TNNI3K: variants seen among roughly 807,000 people sequenced by gnomAD.
TNNI3K encodes the protein serine/threonine-protein kinase TNNI3K.
TNNI3K carries 140 observed loss-of-function variants against 114.5 expected under a neutral mutation model. The ratio of observed to expected loss-of-function variants is 1.22; its 90% CI spans 1.07 to 1.41. TNNI3K has a LOEUF of 1.41. Ranked by LOEUF, TNNI3K falls within the 40% of genes most tolerant of loss-of-function variation. TNNI3K has a pLI of 0.00. For synonymous variants in TNNI3K, 347 were observed against 347.5 expected (o/e 1.00, Z 0.02); for missense variants, 1,125 against 1,007.6 (o/e 1.12, Z -1.58).
chr1:74,318,696 T>C (rs1557494114), intron 5 of TNNI3K, among the ~76,000 whole-genome samples: 3 of 152,356 alleles, frequency 2.0e-5, no homozygotes, highest in Non-Finnish European at 2.9e-5. Context: ...AGTTCACACA[T>C]TGTCATCATC....
chr1:74,525,817 G>T (rs1435373736), intron 23 of TNNI3K, among the ~76,000 whole-genome samples: 1 of 152,160 alleles, frequency 6.6e-6, no homozygotes, highest in African/African-American at 2.4e-5. Flanking sequence ...CAAAACCTGG[G>T]TTGCCCCAGG....
At chr1:74,274,499 T>G (rs1656547539) in intron 5 of TNNI3K, among the ~76,000 whole-genome samples, 1 of 152,034 alleles carries the variant, frequency 6.6e-6, no homozygotes, top group Non-Finnish European at 1.5e-5. Flanking sequence ...TATAAATGGT[T>G]AGAATATAGA....
At chr1:74,416,458 T>C (rs1051759918) in intron 17 of TNNI3K, 1 of 965,910 alleles carries the variant, frequency 1.0e-6, no homozygotes, top group Admixed American at 6.2e-5. Context: ...TAGAAGTTAT[T>C]GGAGTAGATT....
intron 9 of TNNI3K, among the ~76,000 whole-genome samples, chr1:74,352,025 T>C (rs1288073886): frequency 2.0e-5 from 3 of 152,190 alleles, no homozygotes; most frequent in African/African-American, 7.2e-5. Flanking sequence ...CTGTGTTCCT[T>C]TGGAGGAGGA....
At chr1:74,379,792 C>G (rs931751211) in intron 17 of TNNI3K, among the ~76,000 whole-genome samples, 4 of 152,108 alleles carry the variant, frequency 2.6e-5, no homozygotes, top group East Asian at 3.9e-4. Flanking sequence ...TATTCTCCCC[C>G]CTATACTTCA....
At chr1:74,440,739 A>G (rs1666342077) in intron 20 of TNNI3K, among the ~76,000 whole-genome samples, 1 of 152,100 alleles carries the variant, frequency 6.6e-6, no homozygotes, top group African/African-American at 2.4e-5. Context: ...CTTAGCCCTT[A>G]TTATAGTGTG....
intron 17 of TNNI3K, among the ~76,000 whole-genome samples, chr1:74,383,959 T>C (rs1272849488): frequency 6.6e-6 from 1 of 151,952 alleles, no homozygotes; most frequent in Non-Finnish European, 1.5e-5. Context: ...ACACACTAGA[T>C]AGTTAGGTAA....
At chr1:74,493,680 G>A (rs553665284) in intron 23 of TNNI3K, among the ~76,000 whole-genome samples, 18 of 152,210 alleles carry the variant, frequency 1.2e-4, no homozygotes, top group East Asian at 1.9e-4. Flanking sequence ...TACAGATTGC[G>A]TTCAGGTCTA....
At chr1:74,367,228 T>G in intron 11 of TNNI3K, 28 bp from the exon 12 acceptor site, 2 of 1,606,604 alleles carry the variant, frequency 1.2e-6, no homozygotes, top group Middle Eastern at 1.7e-4. Flanking sequence ...AATTTAGGAC[T>G]CTTTGTTCTT....
At chr1:74,286,356 C>T (rs1578514) in intron 5 of TNNI3K, among the ~76,000 whole-genome samples, 1 of 152,068 alleles carries the variant, frequency 6.6e-6, no homozygotes, top group Admixed American at 6.5e-5. Context: ...GGCCTCAGGC[C>T]TCAGGCTCAT....
intron 23 of TNNI3K, among the ~76,000 whole-genome samples, chr1:74,517,593 G>A (rs551394103): frequency 1.3e-5 from 2 of 152,158 alleles, no homozygotes; most frequent in Non-Finnish European, 2.9e-5. Flanking sequence ...GGGGCTGTGT[G>A]CTAAGCATTA....
chr1:74,419,470 A>AT (rs1665289526), intron 17 of TNNI3K, among the ~76,000 whole-genome samples: 1 of 152,038 alleles, frequency 6.6e-6, no homozygotes, highest in Non-Finnish European at 1.5e-5. Context: ...CCATGCTACA[A>AT]TTAGGGGTGT....
intron 21 of TNNI3K, among the ~76,000 whole-genome samples, chr1:74,484,064 A>C (rs984037997): frequency 1.3e-5 from 2 of 152,142 alleles, no homozygotes; most frequent in South Asian, 2.1e-4. Flanking sequence ...GAGTATTATA[A>C]GAGTTAAATG....
intron 23 of TNNI3K, among the ~76,000 whole-genome samples, chr1:74,528,135 C>T (rs924073660): frequency 3.3e-5 from 5 of 152,132 alleles, no homozygotes; most frequent in Admixed American, 6.5e-5. Context: ...GAATGGTAAG[C>T]AGGACATCCT....
At chr1:74,480,510 G>C in intron 21 of TNNI3K, 1 of 717,512 alleles carries the variant, frequency 1.4e-6, no homozygotes. Flanking sequence ...ACTTCCTGTA[G>C]TTGAGGCAGG....
chr1:74,490,225 T>C (rs984735921), intron 22 of TNNI3K, among the ~76,000 whole-genome samples: 4 of 152,194 alleles, frequency 2.6e-5, no homozygotes, highest in Non-Finnish European at 5.9e-5. Context: ...CCTAAGATCC[T>C]CTTTCCCTTC....
intron 21 of TNNI3K, among the ~76,000 whole-genome samples, chr1:74,488,094 G>A (rs1359447514): frequency 6.6e-6 from 1 of 152,188 alleles, no homozygotes; most frequent in Non-Finnish European, 1.5e-5. Context: ...ACAAAGAGTA[G>A]TGTTAGAGAG....
chr1:74,259,636 G>A lies in TNNI3K; in HGVS notation c.333+8867G>A, dbSNP rs537798784. The stretch of plus-strand genomic sequence containing the variant: ...AAAAATACAAAAATTAGCCATATGT[G>A]GTGGTGTGCGCCTATAGTCCCAGCT... On this transcript the variant is annotated intron_variant, in intron 4 of 24. Transcript: ENST00000326637. Among the ~76,000 whole-genome samples, 242 of 152,252 alleles carry A rather than the reference G, an allele frequency of 1.6e-3. 1 individual carries two copies. The highest frequency in any genetic ancestry group is 5.7e-3 in the African/African-American group (237 of 41,536).
intron 17 of TNNI3K, among the ~76,000 whole-genome samples, chr1:74,383,515 G>T (rs149557309): frequency 6.9e-4 from 105 of 151,900 alleles, no homozygotes; most frequent in African/African-American, 2.5e-3. Flanking sequence ...AATGCTTCTT[G>T]CAGGAAGCCC....
Sources: gnomAD v4.1 joint callset for allele counts (sites outside exome capture counted in the v4.1 genomes callset) on GRCh38, gnomAD v4.1.1 for gene constraint, MANE v1.5 for transcripts, NCBI Gene and HGNC (gene_info 2026-07-23, HGNC 2026-07-21) for gene names.